The following DENND2A variants were observed in gnomAD, a reference collection of about 807,000 sequenced individuals.
DENND2A encodes DENN domain-containing protein 2A.
A neutral mutation model predicts 105.3 loss-of-function variants in DENND2A; 53 were observed. The ratio of observed to expected loss-of-function variants is 0.50; its 90% confidence interval spans 0.40 to 0.63. The LOEUF (loss-of-function observed/expected upper bound fraction) is 0.63, where lower values mean the gene tolerates loss of function less well. DENND2A is among the 30% of genes least tolerant of loss of function. The pLI is 0.00. For missense variants in DENND2A, 1,138 were observed against 1,279.6 expected (o/e 0.89, Z 1.69); for synonymous variants, 522 against 508.4 (o/e 1.03, Z -0.36).
At chr7:140,522,161 G>C in intron 17 of DENND2A, 61 bp from the exon 18 acceptor site, 1 of 1,586,004 alleles carries the variant, frequency 6.3e-7, no homozygotes, top group Non-Finnish European at 8.6e-7. Context: ...CAGAGCCCTT[G>C]AGACAAGCCA....
At chr7:140,560,460 CTCTT>C (rs1293139839) in intron 9 of DENND2A, among the ~76,000 whole-genome samples, 2 of 152,158 alleles carry the variant, frequency 1.3e-5, no homozygotes, top group African/African-American at 2.4e-5. Context: ...CTCTCTCTCT[CTCTT>C]TATGATATTC....
At chr7:140,635,453 C>T (rs143399390) in intron 1 of DENND2A, among the ~76,000 whole-genome samples, 98 of 152,214 alleles carry the variant, frequency 6.4e-4, no homozygotes, top group African/African-American at 2.2e-3. Context: ...AGATAAGATC[C>T]GCAGTGTACG....
intron 1 of DENND2A, among the ~76,000 whole-genome samples, chr7:140,636,923 C>T (rs1800959390): frequency 6.6e-6 from 1 of 151,998 alleles, no homozygotes; most frequent in South Asian, 2.1e-4. Context: ...TGTAGTGATG[C>T]AATCTTGGCT....
intron 1 of DENND2A, among the ~76,000 whole-genome samples, chr7:140,614,256 C>T (rs531334183): frequency 6.6e-6 from 1 of 152,112 alleles, no homozygotes; most frequent in Non-Finnish European, 1.5e-5. Flanking sequence ...AGGCGTGCAC[C>T]AAGACATCCA....
Position 140,601,571 on chromosome 7 carries a change from G to T in DENND2A, c.827C>A (p.Ala276Asp). The T allele has an allele frequency of 6.2e-7, 1 of 1,614,128 alleles. No homozygotes were observed. Among genetic ancestry groups the T allele is most frequent in the Non-Finnish European group, 8.5e-7 (1 of 1,180,018 alleles). The change falls in exon 3 of 20, where the codon GCC becomes GAC. Residue 276 changes from alanine (A) to aspartate (D), a missense_variant. Ala to Asp is a moderately radical substitution (Grantham distance 126, BLOSUM62 -2). Transcript: ENST00000496613. The part of the protein sequence containing the change: ...LPKPRRTFKH[A>D]GEGDKDGKPG... ...CTTCCCATCTTTGTCCCCTTCTCCG[G>T]CATGTTTGAACGTTCTCCGGGGTTT...
chr7:140,614,166 C>A (rs1387127625), intron 1 of DENND2A, among the ~76,000 whole-genome samples: 1 of 152,044 alleles, frequency 6.6e-6, no homozygotes, highest in Non-Finnish European at 1.5e-5. Context: ...TGCAGTGGCA[C>A]AATCTTGGCT....
intron 3 of DENND2A, among the ~76,000 whole-genome samples, chr7:140,591,144 A>C (rs1318351967): frequency 1.3e-5 from 2 of 151,676 alleles, no homozygotes; most frequent in Non-Finnish European, 2.9e-5. Context: ...AAAAGATACA[A>C]AAATTAACTG....
In DENND2A at chr7:140,546,812, C is replaced by T; in HGVS notation, c.2165G>A (p.Gly722Asp). ...CTGACAACTCACCTCAGTTCCTGAA[C>T]CTGGCAGGAAGTTCTTGACAAGGAT... Reference protein sequence around the residue: ...KTILVKNFLPGSGTEVIELCR... With the variant: ...KTILVKNFLPDSGTEVIELCR... Residue 722 changes from glycine to aspartate, a missense_variant, in exon 13 of 20, where the codon GGT becomes GAT. Transcript: ENST00000496613. The T allele has an allele frequency of 6.2e-7, 1 of 1,614,138 alleles. No individual in the cohort carries two copies. Among genetic ancestry groups the T allele is most frequent in the African/African-American group, 1.3e-5 (1 of 75,060 alleles).
intron 3 of DENND2A, among the ~76,000 whole-genome samples, chr7:140,588,987 C>T (rs1051827158): frequency 1.3e-5 from 2 of 152,094 alleles, no homozygotes; most frequent in South Asian, 2.1e-4. Context: ...AGGTGATCTG[C>T]CTGCCTCAGC....
At chr7:140,623,673 A>G (rs1476717564) in intron 1 of DENND2A, among the ~76,000 whole-genome samples, 1 of 150,368 alleles carries the variant, frequency 6.7e-6, no homozygotes, top group Non-Finnish European at 1.5e-5. Context: ...GGTTGCAGTG[A>G]GCCGAGATCA....
intron 5 of DENND2A, among the ~76,000 whole-genome samples, chr7:140,584,453 G>T (rs952923432): frequency 6.6e-6 from 1 of 152,124 alleles, no homozygotes; most frequent in Non-Finnish European, 1.5e-5. Context: ...AGGGGTAGTT[G>T]GTAGGCTCTG....
intron 12 of DENND2A, among the ~76,000 whole-genome samples, chr7:140,550,758 C>A (rs540387188): frequency 9.9e-5 from 15 of 152,000 alleles, no homozygotes; most frequent in Middle Eastern, 3.5e-3. Flanking sequence ...CCGCGCCTGG[C>A]CTCAATGGGT....
In DENND2A at chr7:140,634,826, C is replaced by T. The variant is rs186588617; in HGVS notation, c.-248+5678G>A. 3.9e-5 allele frequency among the ~76,000 whole-genome samples: 6 copies of T among 151,970 alleles called. No individual in the cohort carries two copies. The East Asian group carries it at 7.7e-4, about 20-fold the overall frequency. ...GGCAGAGGTTGCTGTGAGCTGAGAT[C>T]GCACCACTGCACTCCAGTGCAGCTA... On this transcript the variant is annotated intron_variant, in intron 1 of 19. Transcript: ENST00000496613.
intron 14 of DENND2A, among the ~76,000 whole-genome samples, chr7:140,539,022 C>A (rs1436316915): frequency 6.6e-6 from 1 of 152,122 alleles, no homozygotes; most frequent in Non-Finnish European, 1.5e-5. Flanking sequence ...CAGGGTTTCA[C>A]CATGTTGGCC....
chr7:140,545,191 T>C (rs1275831835), intron 13 of DENND2A, among the ~76,000 whole-genome samples: 1 of 152,160 alleles, frequency 6.6e-6, no homozygotes, highest in Non-Finnish European at 1.5e-5. Flanking sequence ...GAGGAACTGT[T>C]ACCTGCTAGG....
rs181051536 is a variant in DENND2A, at chr7:140,564,066, T to C, written c.1779+3020A>G. Among the ~76,000 whole-genome samples the C allele has an allele frequency of 8.7e-4, 132 of 152,218 alleles. 2 individuals carry two copies. Among genetic ancestry groups the C allele is most frequent in the Admixed American group, 2.6e-3 (40 of 15,286 alleles). ...GGGAGGCTGAAGTGGGCGGATCATT[T>C]GAGGTCAAGAGTTTGAGACCAGTCT... On this transcript the variant is annotated intron_variant, in intron 9 of 19. Coordinates refer to ENST00000496613, the MANE Select transcript of DENND2A (RefSeq NM_015689.5).
chr7:140,556,002 C>T (rs1797350473), intron 11 of DENND2A, among the ~76,000 whole-genome samples: 1 of 152,038 alleles, frequency 6.6e-6, no homozygotes, highest in South Asian at 2.1e-4. Flanking sequence ...AAAAATCAAT[C>T]TCAATACTTT....
At chr7:140,603,588 T>G (rs551231168) in intron 2 of DENND2A, among the ~76,000 whole-genome samples, 2 of 152,352 alleles carry the variant, frequency 1.3e-5, no homozygotes, top group East Asian at 1.9e-4. Context: ...TTTGGCCTGT[T>G]GTAGCCAAGT....
chr7:140,613,565 T>C (rs1799978151), intron 1 of DENND2A, among the ~76,000 whole-genome samples: 1 of 147,976 alleles, frequency 6.8e-6, no homozygotes, highest in Non-Finnish European at 1.5e-5. Flanking sequence ...GCTACTGCAC[T>C]CTAGCCTGGG....
Sources: gnomAD v4.1 joint callset for allele counts (sites outside exome capture counted in the v4.1 genomes callset) on GRCh38, gnomAD v4.1.1 for gene constraint, MANE v1.5 for transcripts, NCBI Gene and HGNC (gene_info 2026-07-23, HGNC 2026-07-21) for gene names.